Variants in BICRA observed in about 807,000 individuals in gnomAD.
The protein encoded by BICRA is BRD4 interacting chromatin remodeling complex associated protein.
In BICRA, 31 loss-of-function variants were observed where a neutral mutation model predicts 96.9. The ratio of observed to expected loss-of-function variants is 0.32; its 90% CI spans 0.24 to 0.43. BICRA has a LOEUF of 0.43. Ranked by LOEUF, BICRA falls within the 20% of genes least tolerant of loss-of-function variation. The pLI, the probability that BICRA is intolerant of heterozygous loss-of-function variation, is 1.00. For missense variants in BICRA, 2,283 were observed against 2,190.3 expected, an observed-to-expected ratio of 1.04 and a Z score of -0.84; for synonymous variants, 1,350 against 1,071.8, an observed-to-expected ratio of 1.26 and a Z score of -5.07.
chr19:47,679,262 C>T, intron 5 of BICRA, 59 bp from the exon 6 acceptor site: 1 of 1,280,688 alleles, frequency 7.8e-7, no homozygotes, highest in Non-Finnish European at 1.0e-6. Context: ...GCAGCTGTGG[C>T]CTAAGCGTAG....
Position 47,681,158 on chromosome 19 carries a change from C to T in BICRA, c.1988C>T (p.Thr663Ile), listed in dbSNP as rs1292175413. ...GCCGCCGCCCCGCCTCAGGCCACCACCCCCCAGCCCAGCCCTGGCCTGGCG... is the reference window on the plus strand; with the variant it reads ...GCCGCCGCCCCGCCTCAGGCCACCATCCCCCAGCCCAGCCCTGGCCTGGCG... Reference protein sequence around the residue: ...PQAAAPPQATTPQPSPGLASS... With the variant: ...PQAAAPPQATIPQPSPGLASS... The change falls in exon 6 of 15, where the codon ACC (threonine) becomes ATC (isoleucine). Residue 663 changes from threonine (T) to isoleucine (I), a missense_variant. Physicochemically the swap from Thr to Ile is moderately conservative, Grantham distance 89. Transcript: ENST00000594866. The T allele has an allele frequency of 2.7e-6, 4 of 1,508,744 alleles. No homozygotes were observed. The highest frequency in any genetic ancestry group is 4.9e-5 in the East Asian group (2 of 40,560). The allele number at this position is 1,508,744 out of a possible 1,614,324, so 93.5% of individuals were successfully genotyped here.
intron 1 of BICRA, among the ~76,000 whole-genome samples, chr19:47,653,443 A>T (rs148339657): frequency 2.8e-4 from 43 of 152,176 alleles, no homozygotes; most frequent in South Asian, 1.9e-3. Context: ...TTGTGCAGAC[A>T]TCACCACAAT....
intron 1 of BICRA, among the ~76,000 whole-genome samples, chr19:47,614,624 A>AAAAC (rs1353397306): frequency 6.6e-6 from 1 of 152,334 alleles, no homozygotes; most frequent in East Asian, 1.9e-4. Context: ...GACTCTGTCT[A>AAAAC]AAACAAACAA....
In BICRA at chr19:47,668,396, G is replaced by A. The variant is rs1442995556; in HGVS notation, c.-107-2047G>A. Among the ~76,000 whole-genome samples the A allele has an allele frequency of 2.6e-5, 4 of 152,166 alleles. No homozygotes were observed. The South Asian group carries it at 8.3e-4, about 32-fold the overall frequency. ...CCTGACATGCAGGTTCCCAGCTGAG[G>A]TGGGGCCTGATGTCTTGTTTCAGCT... On this transcript the variant is annotated intron_variant, in intron 1 of 14. Coordinates refer to ENST00000594866, the MANE Select transcript of BICRA (RefSeq NM_001394372.1).
At position 47,675,258 on chromosome 19, in the gene BICRA, A is replaced by C. The variant is rs1218869567; in HGVS notation, c.85-593A>C. On this transcript the variant is annotated intron_variant, in intron 4 of 14. Transcript: ENST00000594866. The surrounding 1 kb of genome is among the most constrained non-coding windows in gnomAD (Gnocchi z 4.7). Reference sequence around the variant, plus strand: ...ATGTACAAGTTGGGGTTCTGGAGAGATGTCCAGATGGAACAAGAAATTAGG... The same window carrying C: ...ATGTACAAGTTGGGGTTCTGGAGAGCTGTCCAGATGGAACAAGAAATTAGG... 6.6e-6 allele frequency among the ~76,000 whole-genome samples: 1 copy of C among 152,132 alleles called. No homozygotes were observed. Among genetic ancestry groups the C allele is most frequent in the Non-Finnish European group, 1.5e-5 (1 of 68,014 alleles).
intron 5 of BICRA, among the ~76,000 whole-genome samples, chr19:47,676,724 A>G (rs1358353658): frequency 6.6e-6 from 1 of 151,400 alleles, no homozygotes; most frequent in Non-Finnish European, 1.5e-5. Flanking sequence ...TCATATTCCA[A>G]ATAGCTTATC....
At chr19:47,667,184 C>A (rs2974230) in intron 1 of BICRA, among the ~76,000 whole-genome samples, 107,200 of 151,824 alleles carry the variant, frequency 0.71, 37,985 homozygotes, top group East Asian at 0.84. Context: ...ACGCCGGGCT[C>A]ATTTTTTGTA....
intron 1 of BICRA, among the ~76,000 whole-genome samples, chr19:47,630,832 G>A (rs1023845659): frequency 3.9e-5 from 6 of 152,218 alleles, no homozygotes; most frequent in African/African-American, 1.4e-4. Flanking sequence ...TGGAGGAGCA[G>A]TGGCTACATC....
intron 1 of BICRA, among the ~76,000 whole-genome samples, chr19:47,639,622 C>A (rs938888459): frequency 7.4e-6 from 1 of 135,244 alleles, no homozygotes; most frequent in Non-Finnish European, 1.5e-5. Context: ...GCCACCGCGG[C>A]CAGCCAATTT....
chr19:47,673,341 C>G (rs923696859), intron 2 of BICRA, among the ~76,000 whole-genome samples: 2 of 152,120 alleles, frequency 1.3e-5, no homozygotes, highest in Admixed American at 1.3e-4. Context: ...TTATCATCAT[C>G]AGGTGCTGGG....
At chr19:47,619,605 C>A (rs934555393) in intron 1 of BICRA, among the ~76,000 whole-genome samples, 1 of 149,890 alleles carries the variant, frequency 6.7e-6, no homozygotes, top group African/African-American at 2.4e-5. Context: ...ACAGTAAAAT[C>A]CGCAGAGGGG....
At chr19:47,678,263 G>A (rs1390397739) in intron 5 of BICRA, among the ~76,000 whole-genome samples, 1 of 151,940 alleles carries the variant, frequency 6.6e-6, no homozygotes, top group African/African-American at 2.4e-5. Flanking sequence ...CTGCAGGCAC[G>A]TGCCACCACG....
intron 5 of BICRA, among the ~76,000 whole-genome samples, chr19:47,677,026 G>T (rs894224481): frequency 2.0e-5 from 3 of 152,108 alleles, no homozygotes; most frequent in Non-Finnish European, 2.9e-5. Context: ...CTGAGCCAGA[G>T]CCCTGTCTGC....
At chr19:47,648,852 ATT>A (rs1359940506) in intron 1 of BICRA, among the ~76,000 whole-genome samples, 17 of 125,138 alleles carry the variant, frequency 1.4e-4, no homozygotes, top group African/African-American at 1.2e-4. Flanking sequence ...ACGCTGGGCT[ATT>A]TTTTTTTTTT....
chr19:47,625,104 G>A (rs1023370497), intron 1 of BICRA, among the ~76,000 whole-genome samples: 1 of 144,432 alleles, frequency 6.9e-6, no homozygotes, highest in African/African-American at 2.6e-5. Flanking sequence ...GGTTCAAGTA[G>A]TTCTCCTGCC....
intron 14 of BICRA, chr19:47,700,931 A>C (rs548863433): frequency 9.0e-6 from 2 of 222,790 alleles, no homozygotes; most frequent in South Asian, 7.0e-5. Context: ...TTCATATTTT[A>C]TTTATTGTTT....
In BICRA at chr19:47,698,867, T is replaced by G; in HGVS notation, c.3397+85T>G. 7.2e-7 allele frequency: 1 copy of G among 1,382,580 alleles called. No homozygotes were observed. The highest frequency in any genetic ancestry group is 1.0e-6 in the Non-Finnish European group (1 of 993,794). The allele number at this position is 1,382,580 out of a possible 1,614,324, so 85.6% of individuals were successfully genotyped here. On this transcript the variant is annotated intron_variant, in intron 12 of 14. Coordinates refer to ENST00000594866, the MANE Select transcript of BICRA (RefSeq NM_001394372.1). This position sits in a 1 kb window ranked among gnomAD's most constrained non-coding sequence, Gnocchi z 4.8. ...GGCGTCGCCAGTGTGGAGCCGCAGG[T>G]CCACGGTGCGCTATGCTGACCCTGC...
In BICRA at chr19:47,699,482, C is replaced by G; in HGVS notation, c.3595+77C>G. 1 of 847,792 alleles carries G rather than the reference C, an allele frequency of 1.2e-6. No individual in the cohort carries two copies. The highest frequency in any genetic ancestry group is 1.7e-5 in the African/African-American group (1 of 60,104). 52.5% of individuals were successfully genotyped at this position (847,792 alleles called of 1,614,324 possible). ...CTGGGCAGAAGAGTTAGATTCAGGGCGGGGAGTGGGTGTGTGGCCCTACCT... is the reference window on the plus strand; with the variant it reads ...CTGGGCAGAAGAGTTAGATTCAGGGGGGGGAGTGGGTGTGTGGCCCTACCT... On this transcript the variant is annotated intron_variant, in intron 14 of 14. Coordinates refer to ENST00000594866, the MANE Select transcript of BICRA (RefSeq NM_001394372.1). The surrounding 1 kb of genome is among the most constrained non-coding windows in gnomAD (Gnocchi z 5.0).
chr19:47,688,028 G>A (rs1242543889), intron 7 of BICRA, among the ~76,000 whole-genome samples: 2 of 152,016 alleles, frequency 1.3e-5, no homozygotes, highest in African/African-American at 4.8e-5. Context: ...ATTAGCAGCT[G>A]GCCTGTTCTT....
Sources: gnomAD v4.1 joint callset for allele counts (sites outside exome capture counted in the v4.1 genomes callset) on GRCh38, gnomAD v4.1.1 for gene constraint, Gnocchi (gnomAD v3.1) non-coding constraint, MANE v1.5 for transcripts, NCBI Gene and HGNC (gene_info 2026-07-23, HGNC 2026-07-21) for gene names.